Variants in TEAD1 observed in about 807,000 individuals in gnomAD.
The protein encoded by TEAD1 is transcriptional enhancer factor TEF-1.
In TEAD1, 9 loss-of-function variants were observed where a neutral mutation model predicts 54.9. The ratio of observed to expected loss-of-function variants is 0.16; its 90% CI spans 0.10 to 0.29. The LOEUF (loss-of-function observed/expected upper bound fraction) is 0.29. Among genes scored for constraint, TEAD1 ranks in the 10% least tolerant of loss-of-function variants. The pLI, the probability that TEAD1 is intolerant of heterozygous loss-of-function variation, is 1.00. For missense variants in TEAD1, 387 were observed against 535.9 expected, an observed-to-expected ratio of 0.72 and a Z score of 2.74; for synonymous variants, 200 against 187.8, an observed-to-expected ratio of 1.07 and a Z score of -0.53.
At chr11:12,733,197 G>C (rs1044380810) in intron 2 of TEAD1, among the ~76,000 whole-genome samples, 1 of 152,206 alleles carries the variant, frequency 6.6e-6, no homozygotes, top group African/African-American at 2.4e-5. Flanking sequence ...AGTATTAGGA[G>C]AAGTAAGGTC....
At chr11:12,794,555 G>A (rs1423682619) in intron 3 of TEAD1, among the ~76,000 whole-genome samples, 2 of 152,174 alleles carry the variant, frequency 1.3e-5, no homozygotes, top group Non-Finnish European at 2.9e-5. Flanking sequence ...TCACAATGAT[G>A]GTTCTGATTG....
intron 2 of TEAD1, among the ~76,000 whole-genome samples, chr11:12,728,487 C>A (rs554875805): frequency 3.3e-5 from 5 of 152,292 alleles, no homozygotes; most frequent in Admixed American, 1.3e-4. Context: ...AGAGACAATT[C>A]GGCAGCACTG....
intron 10 of TEAD1, among the ~76,000 whole-genome samples, chr11:12,922,163 G>A (rs552029415): frequency 6.6e-6 from 1 of 151,596 alleles, no homozygotes; most frequent in Admixed American, 6.6e-5. Flanking sequence ...CACATAAGGT[G>A]AAAAGGGGAA....
At chr11:12,760,427 G>A (rs1046058465) in intron 2 of TEAD1, among the ~76,000 whole-genome samples, 5 of 152,184 alleles carry the variant, frequency 3.3e-5, no homozygotes, top group African/African-American at 1.2e-4. Flanking sequence ...TTAAGGGCGA[G>A]TAGGTTTGAA....
intron 3 of TEAD1, among the ~76,000 whole-genome samples, chr11:12,797,897 T>TC (rs1232072410): frequency 6.6e-6 from 1 of 152,230 alleles, no homozygotes; most frequent in Non-Finnish European, 1.5e-5. Context: ...CCCTTACTCT[T>TC]CCATTCTCCT....
intron 3 of TEAD1, among the ~76,000 whole-genome samples, chr11:12,856,459 G>A (rs1390928279): frequency 2.6e-5 from 4 of 152,180 alleles, no homozygotes; most frequent in Non-Finnish European, 5.9e-5. Flanking sequence ...ATGAGGCCTT[G>A]GGAAGGTAGG....
chr11:12,937,037 C>A, intron 12 of TEAD1, 72 bp from the exon 13 acceptor site: 2 of 1,044,454 alleles, frequency 1.9e-6, no homozygotes, highest in Non-Finnish European at 3.0e-6. Flanking sequence ...CCAATTAAGT[C>A]ATAGTCGTCA....
chr11:12,890,371 A>G (rs1326542488), intron 9 of TEAD1, among the ~76,000 whole-genome samples: 5 of 152,230 alleles, frequency 3.3e-5, no homozygotes, highest in Admixed American at 3.3e-4. Context: ...ATTCCAACCC[A>G]TGGAAAATTG....
At chr11:12,695,921 CT>C (rs371081362) in intron 2 of TEAD1, among the ~76,000 whole-genome samples, 288 of 152,284 alleles carry the variant, frequency 1.9e-3, no homozygotes, top group African/African-American at 6.5e-3. Flanking sequence ...GTTCTGCCCC[CT>C]TTCAGGTGAG....
intron 3 of TEAD1, among the ~76,000 whole-genome samples, chr11:12,856,285 C>T (rs1367415773): frequency 3.9e-5 from 6 of 152,094 alleles, no homozygotes; most frequent in Admixed American, 3.9e-4. Flanking sequence ...GTCATTGGTT[C>T]TTGTTGCCAA....
At chr11:12,683,653 T>G (rs2133814363) in intron 2 of TEAD1, among the ~76,000 whole-genome samples, 1 of 152,264 alleles carries the variant, frequency 6.6e-6, no homozygotes, top group East Asian at 1.9e-4. Context: ...TAAACAAACC[T>G]TGTGAAATAT....
rs1948822767 is a variant in TEAD1 at position 12,922,273 on chromosome 11, T to C, written c.874-2639T>C. On this transcript the variant is annotated intron_variant, in intron 10 of 12. Coordinates refer to ENST00000527636, the MANE Select transcript of TEAD1 (RefSeq NM_021961.6). ...GTGCAGTGGCGGGATCTCGGCTCAC[T>C]GCAAGCTCCGCCTCCCGGGTTCACG... Among the ~76,000 whole-genome samples the C allele has an allele frequency of 6.3e-5, 3 of 47,854 alleles. 1 individual carries two copies. The highest frequency in any genetic ancestry group is 1.3e-4 in the Non-Finnish European group (3 of 22,610). The allele number at this position is 47,854 out of a possible 152,430, so 31.4% of individuals were successfully genotyped here. A position where few individuals can be genotyped will look rare whatever the true frequency, so the allele number is the denominator to read the frequency against.
At chr11:12,825,020 CAT>C (rs370379601) in intron 3 of TEAD1, among the ~76,000 whole-genome samples, 8 of 152,294 alleles carry the variant, frequency 5.3e-5, no homozygotes, top group Non-Finnish European at 1.2e-4. Context: ...AACACACACT[CAT>C]TTTTTAAAGT....
At chr11:12,729,692 T>G (rs1944382037) in intron 2 of TEAD1, among the ~76,000 whole-genome samples, 5 of 152,198 alleles carry the variant, frequency 3.3e-5, no homozygotes, top group Admixed American at 3.3e-4. Context: ...GCTTGGGCCA[T>G]GGTGTAGAAT....
intron 10 of TEAD1, among the ~76,000 whole-genome samples, chr11:12,917,844 T>C (rs1461734575): frequency 6.6e-6 from 1 of 152,232 alleles, no homozygotes; most frequent in Non-Finnish European, 1.5e-5. Context: ...TTTCTAAGTG[T>C]TGTTTTTTAA....
intron 6 of TEAD1, 33 bp from the exon 7 acceptor site, chr11:12,880,972 G>C: frequency 1.2e-6 from 2 of 1,613,800 alleles, no homozygotes; most frequent in Non-Finnish European, 1.7e-6. Context: ...AAGTAAACTC[G>C]TAATTCTGAG....
intron 10 of TEAD1, among the ~76,000 whole-genome samples, chr11:12,919,186 G>A (rs1948763715): frequency 6.6e-6 from 1 of 152,072 alleles, no homozygotes; most frequent in Admixed American, 6.6e-5. Context: ...GGGTAGGTTG[G>A]GTATTCTTTA....
At chr11:12,743,796 A>G (rs1433311657) in intron 2 of TEAD1, among the ~76,000 whole-genome samples, 1 of 152,236 alleles carries the variant, frequency 6.6e-6, no homozygotes, top group African/African-American at 2.4e-5. Flanking sequence ...CAGCCAGTCC[A>G]GAAGGGCATT....
At chr11:12,757,371 A>C (rs2133915980) in intron 2 of TEAD1, among the ~76,000 whole-genome samples, 1 of 152,324 alleles carries the variant, frequency 6.6e-6, no homozygotes, top group East Asian at 1.9e-4. Context: ...ATCAAAAGGG[A>C]AAGGGAAATG....
Sources: allele counts gnomAD v4.1 joint callset (sites outside exome capture counted in the v4.1 genomes callset), GRCh38; gene constraint gnomAD v4.1.1; transcripts MANE v1.5; gene names NCBI Gene and HGNC (gene_info 2026-07-23, HGNC 2026-07-21).